The following ATR variants were observed in gnomAD, a reference collection of about 807,000 sequenced individuals.
ATR encodes ATR checkpoint kinase.
ATR carries 142 observed loss-of-function variants against 305.3 expected under a neutral mutation model. That is an observed-to-expected ratio of 0.47 (90% CI 0.41 to 0.53). The LOEUF (loss-of-function observed/expected upper bound fraction) is 0.53, where lower values mean the gene tolerates loss of function less well. ATR is among the 20% of genes least tolerant of loss of function. ATR has a pLI of 0.00. For missense variants in ATR, 2,135 were observed against 3,133.1 expected, an observed-to-expected ratio of 0.68 and a Z score of 7.60; for synonymous variants, 1,050 against 1,068.1, an observed-to-expected ratio of 0.98 and a Z score of 0.33.
rs2108260805 is a variant in ATR at position 142,459,131 on chromosome 3, T to A, written c.7350-20A>T. Reference sequence around the variant, plus strand: ...CTGTACCTAAAAGAAACACAATGCCTATGAAATATCCATATACATATGAGG... The same window carrying A: ...CTGTACCTAAAAGAAACACAATGCCAATGAAATATCCATATACATATGAGG... On this transcript the variant is annotated intron_variant, in intron 43 of 46. Transcript: ENST00000350721. The A allele has an allele frequency of 6.2e-7, 1 of 1,613,800 alleles. No homozygotes were observed. The highest frequency in any genetic ancestry group is 8.5e-7 in the Non-Finnish European group (1 of 1,179,776).
chr3:142,490,308 G>A (rs767455654), intron 35 of ATR, among the ~76,000 whole-genome samples: 12 of 152,220 alleles, frequency 7.9e-5, no homozygotes, highest in Admixed American at 3.3e-4. Flanking sequence ...CTCAGGCCTC[G>A]GCCTCCCAAA....
chr3:142,543,559 TCCTC>T (rs1248817741), intron 16 of ATR, among the ~76,000 whole-genome samples: 16 of 150,750 alleles, frequency 1.1e-4, no homozygotes, highest in African/African-American at 2.0e-4. Flanking sequence ...CTTCCTTCCT[TCCTC>T]CCTCCCTCCC....
intron 2 of ATR, 100 bp from the exon 3 acceptor site, chr3:142,566,361 G>T: frequency 7.6e-7 from 1 of 1,309,348 alleles, no homozygotes; most frequent in Non-Finnish European, 1.1e-6. Flanking sequence ...CCTCACTCCT[G>T]TAACCCCTGT....
chr3:142,518,766 T>C (rs1344724920), intron 24 of ATR, among the ~76,000 whole-genome samples: 3 of 152,172 alleles, frequency 2.0e-5, no homozygotes, highest in South Asian at 2.1e-4. Flanking sequence ...CTAATATGCA[T>C]GTGTACCTAG....
intron 16 of ATR, among the ~76,000 whole-genome samples, chr3:142,544,644 G>GAAAAAAAC (rs2034200914): frequency 8.0e-6 from 1 of 125,074 alleles, no homozygotes; most frequent in Non-Finnish European, 1.6e-5. Flanking sequence ...AAAAAAAAAT[G>GAAAAAAAC]AGCTGGGAAT....
chr3:142,578,163 A>C (rs975132212), intron 1 of ATR, among the ~76,000 whole-genome samples: 1 of 152,230 alleles, frequency 6.6e-6, no homozygotes, highest in Non-Finnish European at 1.5e-5. Flanking sequence ...TGTCACTTGC[A>C]GAAAATGAGA....
At chr3:142,475,657 C>A (rs1007779349) in intron 36 of ATR, among the ~76,000 whole-genome samples, 11 of 152,240 alleles carry the variant, frequency 7.2e-5, no homozygotes, top group African/African-American at 2.6e-4. Context: ...GTTCTAGATC[C>A]CCGAGGAACC....
In ATR at chr3:142,512,250, G is replaced by A. The variant is rs1470300384; in HGVS notation, c.4852+10C>T. The A allele has an allele frequency of 1.8e-5, 24 of 1,306,848 alleles. No individual in the cohort carries two copies. Among genetic ancestry groups the A allele is most frequent in the Non-Finnish European group, 2.6e-5 (24 of 910,816 alleles). The allele number at this position is 1,306,848 out of a possible 1,614,324, so 81.0% of individuals were successfully genotyped here. A position where few individuals can be genotyped will look rare whatever the true frequency, so the allele number is the denominator to read the frequency against. Reference sequence around the variant, plus strand: ...AAAAAAAAAAAAAAGAAACAGAAGTGATAACTCACCCATTGAGTCTACCTT... The same window carrying A: ...AAAAAAAAAAAAAAGAAACAGAAGTAATAACTCACCCATTGAGTCTACCTT... On this transcript the variant is annotated intron_variant, in intron 27 of 46. Coordinates refer to ENST00000350721, the MANE Select transcript of ATR (RefSeq NM_001184.4).
At chr3:142,481,166 C>T (rs940395327) in intron 36 of ATR, among the ~76,000 whole-genome samples, 2 of 152,352 alleles carry the variant, frequency 1.3e-5, no homozygotes, top group East Asian at 3.9e-4. Context: ...AATCACCCAT[C>T]TTCTGCGCTG....
rs2108341396 is a variant in ATR at position 142,498,709 on chromosome 3, T to C, written c.5446A>G (p.Ile1816Val). ...TTCAGTGAGTCATAAAAAGCTGTGA[T>C]ATCTCTTTTTTTGGCTGATAATAAT... is the stretch of plus-strand genomic sequence containing the variant. ...QLLLSAKKRDITAFYDSLKLV... is the reference protein window; with the variant it reads ...QLLLSAKKRDVTAFYDSLKLV... Residue 1816 changes from isoleucine to valine, a missense_variant, in exon 32 of 47, where the codon ATC becomes GTC. Ile to Val is a conservative substitution (Grantham distance 29). Transcript: ENST00000350721. The C allele has an allele frequency of 1.2e-6, 2 of 1,614,042 alleles. No homozygotes were observed. The highest frequency in any genetic ancestry group is 1.7e-6 in the Non-Finnish European group (2 of 1,179,906).
At chr3:142,490,728 T>C (rs1007384303) in intron 35 of ATR, among the ~76,000 whole-genome samples, 1 of 152,176 alleles carries the variant, frequency 6.6e-6, no homozygotes, top group African/African-American at 2.4e-5. Context: ...CTCATACAGA[T>C]ATCCAACTGT....
intron 35 of ATR, among the ~76,000 whole-genome samples, chr3:142,488,790 T>C (rs947482693): frequency 6.6e-6 from 1 of 152,236 alleles, no homozygotes; most frequent in Non-Finnish European, 1.5e-5. Flanking sequence ...CACATAAGTT[T>C]TAAATTCTAA....
chr3:142,500,153 A>G (rs2031877807), intron 30 of ATR: 1 of 179,328 alleles, frequency 5.6e-6, no homozygotes, highest in South Asian at 1.2e-4. Flanking sequence ...ACAAAAATAC[A>G]GGGGGGCCAG....
intron 24 of ATR, among the ~76,000 whole-genome samples, chr3:142,519,303 AT>A (rs112517629): frequency 0.028 from 4,104 of 144,520 alleles, 70 homozygotes; most frequent in South Asian, 0.072. Context: ...AATCACATTA[AT>A]TTTTTTTTTT....
At chr3:142,510,039 C>G (rs1053134009) in intron 27 of ATR, among the ~76,000 whole-genome samples, 1 of 145,352 alleles carries the variant, frequency 6.9e-6, no homozygotes, top group African/African-American at 2.6e-5. Flanking sequence ...TCGCTTAAGC[C>G]TGGGAGGTGG....
intron 46 of ATR, 118 bp downstream of exon 46, chr3:142,453,003 ATCAATAG>A: frequency 6.5e-7 from 1 of 1,540,070 alleles, no homozygotes; most frequent in Non-Finnish European, 8.7e-7. Flanking sequence ...TTTCAGAGTA[ATCAATAG>A]TCACTAACAG....
intron 35 of ATR, among the ~76,000 whole-genome samples, chr3:142,487,663 T>C (rs1189619704): frequency 1.3e-5 from 2 of 152,202 alleles, no homozygotes; most frequent in Non-Finnish European, 2.9e-5. Context: ...TCTGGGGACA[T>C]GCTGGGTCAT....
chr3:142,509,094 A>T (rs2032412669), intron 27 of ATR, among the ~76,000 whole-genome samples: 1 of 152,186 alleles, frequency 6.6e-6, no homozygotes, highest in Non-Finnish European at 1.5e-5. Context: ...TTAATGATTC[A>T]TAAGTGTGTA....
Position 142,457,807 on chromosome 3 carries a change from C to A in ATR, c.7504-52G>T, listed in dbSNP as rs771037299. On this transcript the variant is annotated intron_variant, in intron 44 of 46. Transcript: ENST00000350721. ...ACTAACAATGTTAGAATTTAAAAAT[C>A]TTTACTCAAAGAACTTCATGTCCAG... The A allele has an allele frequency of 6.3e-6, 10 of 1,592,916 alleles. No individual in the cohort carries two copies. The African/African-American group carries it at 1.3e-4, about 21-fold the overall frequency.
Sources: allele counts gnomAD v4.1 joint callset (sites outside exome capture counted in the v4.1 genomes callset), GRCh38; gene constraint gnomAD v4.1.1; transcripts MANE v1.5; gene names NCBI Gene and HGNC (gene_info 2026-07-23, HGNC 2026-07-21).